CDH4: variants seen among roughly 807,000 people sequenced by gnomAD.
The protein encoded by CDH4 is cadherin-4.
In CDH4, 33 loss-of-function variants were observed where a neutral mutation model predicts 86.0. That is an observed-to-expected ratio of 0.38 (90% CI 0.29 to 0.51). The LOEUF (loss-of-function observed/expected upper bound fraction) is 0.51, where lower values mean the gene tolerates loss of function less well. Ranked by LOEUF, CDH4 falls within the 20% of genes least tolerant of loss-of-function variation. The pLI, the probability that CDH4 is intolerant of heterozygous loss-of-function variation, is 0.86. For synonymous variants in CDH4, 555 were observed against 549.4 expected, an observed-to-expected ratio of 1.01 and a Z score of -0.14; for missense variants, 1,114 against 1,307.4, an observed-to-expected ratio of 0.85 and a Z score of 2.28.
intron 2 of CDH4, among the ~76,000 whole-genome samples, chr20:61,512,318 G>A (rs1181791376): frequency 2.6e-5 from 4 of 152,154 alleles, no homozygotes; most frequent in Admixed American, 1.3e-4. Context: ...AAAAGACCTC[G>A]AGAGTTCTTA....
intron 2 of CDH4, among the ~76,000 whole-genome samples, chr20:61,414,623 G>A (rs1047726665): frequency 6.6e-5 from 10 of 152,220 alleles, no homozygotes; most frequent in Non-Finnish European, 1.0e-4. Flanking sequence ...GGAAGCGGCC[G>A]TGTGATGGGG....
At chr20:61,680,572 G>T (rs1158564364) in intron 2 of CDH4, among the ~76,000 whole-genome samples, 1 of 152,180 alleles carries the variant, frequency 6.6e-6, no homozygotes, top group Non-Finnish European at 1.5e-5. Flanking sequence ...GTGGGGGAAG[G>T]GCGGGGAGAA....
intron 2 of CDH4, among the ~76,000 whole-genome samples, chr20:61,365,872 C>T (rs2084808638): frequency 6.6e-6 from 1 of 152,178 alleles, no homozygotes; most frequent in Admixed American, 6.5e-5. Flanking sequence ...CCAAGGCAAA[C>T]TCCACACAGG....
At chr20:61,593,438 C>A (rs2086532231) in intron 2 of CDH4, among the ~76,000 whole-genome samples, 1 of 152,240 alleles carries the variant, frequency 6.6e-6, no homozygotes, top group Admixed American at 6.5e-5. Context: ...TGCTTTCCAG[C>A]ATGGCTGTGC....
At chr20:61,470,635 G>T (rs1266165843) in intron 2 of CDH4, among the ~76,000 whole-genome samples, 2 of 151,794 alleles carry the variant, frequency 1.3e-5, no homozygotes, top group East Asian at 3.9e-4. Context: ...AAGGCTTTCA[G>T]TTTTTTTTCT....
chr20:61,684,129 A>C lies in CDH4; in HGVS notation c.170-59434A>C, dbSNP rs1419547308. ...ACTGTGTAGCAGGGATTGCAGTGGCATCGGACAAAGCCTCTGCCCTCTGGA... is the reference window on the plus strand; with the variant it reads ...ACTGTGTAGCAGGGATTGCAGTGGCCTCGGACAAAGCCTCTGCCCTCTGGA... On this transcript the variant is annotated intron_variant, in intron 2 of 15. Coordinates refer to ENST00000614565, the MANE Select transcript of CDH4 (RefSeq NM_001794.5). The surrounding 1 kb of genome is among the most constrained non-coding windows in gnomAD (Gnocchi z 4.5). 6.6e-6 allele frequency among the ~76,000 whole-genome samples: 1 copy of C among 152,184 alleles called. No individual in the cohort carries two copies. The highest frequency in any genetic ancestry group is 1.5e-5 in the Non-Finnish European group (1 of 68,020).
intron 2 of CDH4, among the ~76,000 whole-genome samples, chr20:61,668,641 C>T (rs971255502): frequency 6.6e-6 from 1 of 152,200 alleles, no homozygotes; most frequent in Admixed American, 6.5e-5. Flanking sequence ...AGACTGGGGT[C>T]AGAGAGGTGA....
intron 2 of CDH4, among the ~76,000 whole-genome samples, chr20:61,335,972 G>A (rs961348365): frequency 4.6e-5 from 7 of 152,070 alleles, no homozygotes; most frequent in Non-Finnish European, 8.8e-5. Flanking sequence ...GTAGAAACGC[G>A]GCCCACATCA....
chr20:61,751,254 C>T (rs1007889279), intron 3 of CDH4, among the ~76,000 whole-genome samples: 5 of 152,190 alleles, frequency 3.3e-5, no homozygotes, highest in African/African-American at 7.2e-5. Flanking sequence ...TGGCCTCTAC[C>T]CACTAAACGC....
At chr20:61,365,453 T>C (rs4074393) in intron 2 of CDH4, among the ~76,000 whole-genome samples, 127,419 of 151,902 alleles carry the variant, frequency 0.84, 53,806 homozygotes, top group African/African-American at 0.94. Context: ...GGGTGATGAG[T>C]GCTGGGGTAT....
At chr20:61,618,921 A>G (rs1317481516) in intron 2 of CDH4, among the ~76,000 whole-genome samples, 1 of 152,156 alleles carries the variant, frequency 6.6e-6, no homozygotes, top group Non-Finnish European at 1.5e-5. Flanking sequence ...AGGCTGGCTT[A>G]CAACGCTGCA....
At chr20:61,567,345 G>T (rs554102774) in intron 2 of CDH4, among the ~76,000 whole-genome samples, 1 of 152,290 alleles carries the variant, frequency 6.6e-6, no homozygotes, top group East Asian at 1.9e-4. Context: ...CACAGTTCTG[G>T]AGGCCAGAGT....
chr20:61,788,434 G>C (rs572486793), intron 4 of CDH4, among the ~76,000 whole-genome samples: 14 of 152,310 alleles, frequency 9.2e-5, no homozygotes, highest in African/African-American at 2.9e-4. Context: ...TGATGGCAGA[G>C]GAGCCCTGGG....
At chr20:61,536,464 TGGGGCAGGGAGGGA>T (rs1310064874) in intron 2 of CDH4, among the ~76,000 whole-genome samples, 12 of 110,692 alleles carry the variant, frequency 1.1e-4, no homozygotes, top group Non-Finnish European at 1.5e-4. Context: ...GGGGAGGGAG[TGGGGCAGGGAGGGA>T]GGGGGAGGGA....
At chr20:61,735,952 A>G (rs531736521) in intron 2 of CDH4, among the ~76,000 whole-genome samples, 1 of 152,230 alleles carries the variant, frequency 6.6e-6, no homozygotes, top group South Asian at 2.1e-4. Flanking sequence ...AGTTGTTTGC[A>G]AGGCTAGGAA....
At chr20:61,545,228 C>T (rs1222301431) in intron 2 of CDH4, among the ~76,000 whole-genome samples, 3 of 152,224 alleles carry the variant, frequency 2.0e-5, no homozygotes, top group African/African-American at 4.8e-5. Context: ...TTAAAAAGAC[C>T]GAGCAGTTTT....
chr20:61,563,680 C>T (rs1183612542), intron 2 of CDH4, among the ~76,000 whole-genome samples: 1 of 152,194 alleles, frequency 6.6e-6, no homozygotes, highest in African/African-American at 2.4e-5. Context: ...CACATGCCTG[C>T]AAATGCAGCT....
intron 2 of CDH4, 76 bp from the exon 3 acceptor site, chr20:61,743,487 C>T (rs1300105757): frequency 9.0e-7 from 1 of 1,115,002 alleles, no homozygotes; most frequent in Non-Finnish European, 1.3e-6. Flanking sequence ...TGTAGGGCGT[C>T]CTGCGTGGTT....
At chr20:61,748,181 G>A (rs1401849676) in intron 3 of CDH4, among the ~76,000 whole-genome samples, 2 of 152,170 alleles carry the variant, frequency 1.3e-5, no homozygotes, top group African/African-American at 4.8e-5. Context: ...TGCCCAGACT[G>A]CAGTGCAGTG....
Sources: gnomAD v4.1 joint callset for allele counts (sites outside exome capture counted in the v4.1 genomes callset) on GRCh38, gnomAD v4.1.1 for gene constraint, Gnocchi (gnomAD v3.1) non-coding constraint, MANE v1.5 for transcripts, NCBI Gene and HGNC (gene_info 2026-07-23, HGNC 2026-07-21) for gene names.